The following PCNX1 variants were observed in gnomAD, a reference collection of about 807,000 sequenced individuals.
PCNX1 encodes pecanex 1.
PCNX1 carries 78 observed loss-of-function variants against 242.2 expected under a neutral mutation model. The observed-to-expected ratio is 0.32, with a 90% CI of 0.27 to 0.39. The LOEUF (loss-of-function observed/expected upper bound fraction) is 0.39, where lower values mean the gene tolerates loss of function less well. Ranked by LOEUF, PCNX1 falls within the 10% of genes least tolerant of loss-of-function variation. PCNX1 has a pLI of 1.00. For missense variants in PCNX1, 2,581 were observed against 2,856.5 expected (o/e 0.90, Z 2.20); for synonymous variants, 1,024 against 1,032.9 (o/e 0.99, Z 0.17).
intron 1 of PCNX1, among the ~76,000 whole-genome samples, chr14:70,922,498 A>C (rs192877706): frequency 6.6e-6 from 1 of 152,128 alleles, no homozygotes; most frequent in East Asian, 1.9e-4. Flanking sequence ...AAATGTTATA[A>C]ATAAAATAAA....
At chr14:71,075,402 G>C (rs2061692078) in intron 27 of PCNX1, among the ~76,000 whole-genome samples, 1 of 152,146 alleles carries the variant, frequency 6.6e-6, no homozygotes, top group African/African-American at 2.4e-5. Context: ...CAGGAAGCTA[G>C]AGATTGATTT....
rs180897147 is a variant in PCNX1, at chr14:70,977,912, G to A, written c.1575G>A (p.Val525=). 1 of 1,614,144 alleles carries A rather than the reference G, an allele frequency of 6.2e-7. No individual in the cohort carries two copies. The highest frequency in any genetic ancestry group is 2.2e-5 in the East Asian group (1 of 44,880). Residue 525 remains valine (V), a synonymous_variant, in exon 6 of 36, where the codon GTG becomes GTA. Coordinates refer to ENST00000304743, the MANE Select transcript of PCNX1 (RefSeq NM_014982.3). ...AGAGTGATAAGTCAGCTGTTTCTGT[G>A]GATTCCAAAGTGCGTAAAGATGTTG... ...EEKSDKSAVS[V]DSKVRKDVGG... is the part of the protein sequence containing the mutation.
chr14:70,921,842 T>C (rs375621382), intron 1 of PCNX1, among the ~76,000 whole-genome samples: 527 of 152,294 alleles, frequency 3.5e-3, no homozygotes, highest in African/African-American at 0.012. Context: ...TCTGACTCAA[T>C]TGACAGTATG....
chr14:71,060,887 C>T (rs2061310331), intron 26 of PCNX1: 1 of 152,188 alleles, frequency 6.6e-6, no homozygotes, highest in South Asian at 2.1e-4. Flanking sequence ...TTGAACACAA[C>T]TACAGTGTTG....
At chr14:71,022,158 CAAGT>C (rs1449625391) in intron 12 of PCNX1, among the ~76,000 whole-genome samples, 1 of 152,110 alleles carries the variant, frequency 6.6e-6, no homozygotes, top group East Asian at 1.9e-4. Context: ...TCACTAATAA[CAAGT>C]AACCCAGTCC....
intron 6 of PCNX1, among the ~76,000 whole-genome samples, chr14:70,985,513 C>T (rs991809708): frequency 6.6e-6 from 1 of 152,182 alleles, no homozygotes; most frequent in Non-Finnish European, 1.5e-5. Flanking sequence ...TGCGCCAGGC[C>T]TGAAGGTTCC....
At chr14:71,070,325 C>T (rs2061557135) in intron 26 of PCNX1, among the ~76,000 whole-genome samples, 1 of 152,170 alleles carries the variant, frequency 6.6e-6, no homozygotes, top group Non-Finnish European at 1.5e-5. Context: ...TTTTGACCTC[C>T]TCCCATGAAT....
intron 2 of PCNX1, among the ~76,000 whole-genome samples, chr14:70,948,669 CTATA>C (rs2057567347): frequency 7.3e-6 from 1 of 137,342 alleles, no homozygotes; most frequent in African/African-American, 2.6e-5. Context: ...ATACACGTGT[CTATA>C]TAGATGTGTA....
intron 26 of PCNX1, 87 bp downstream of exon 26, chr14:71,057,811 C>T: frequency 1.1e-6 from 1 of 905,092 alleles, no homozygotes; most frequent in Non-Finnish European, 1.7e-6. Flanking sequence ...CAGAAGTTGT[C>T]ATAGAATTAG....
chr14:71,009,880 C>A (rs1011100468), intron 9 of PCNX1, 156 bp downstream of exon 9: 2 of 454,832 alleles, frequency 4.4e-6, no homozygotes, highest in African/African-American at 2.0e-5. Flanking sequence ...TGGCATACAA[C>A]CTGATGTTTT....
At chr14:70,949,322 CGT>C (rs1241586105) in intron 2 of PCNX1, among the ~76,000 whole-genome samples, 4 of 134,644 alleles carry the variant, frequency 3.0e-5, no homozygotes, top group Non-Finnish European at 6.4e-5. Context: ...TAGATACACA[CGT>C]GTATACACGC....
At position 70,978,414 on chromosome 14, in the gene PCNX1, C is replaced by G; in HGVS notation, c.2077C>G (p.Leu693Val). Reference sequence around the variant, plus strand: ...CAAGACTCGTGCCCGAGTGTTGAGCCTGGACAGTGGCACAGTAGCATGTTT... The same window carrying G: ...CAAGACTCGTGCCCGAGTGTTGAGCGTGGACAGTGGCACAGTAGCATGTTT... ...SAKTRARVLSLDSGTVACLND... is the reference protein window; with the variant it reads ...SAKTRARVLSVDSGTVACLND... The change falls in exon 6 of 36, where the codon CTG (leucine) becomes GTG (valine). Residue 693 changes from leucine to valine, a missense_variant. Transcript: ENST00000304743. 3.1e-6 allele frequency: 5 copies of G among 1,614,186 alleles called. No individual in the cohort carries two copies. Among genetic ancestry groups the G allele is most frequent in the Non-Finnish European group, 4.2e-6 (5 of 1,180,028 alleles).
intron 3 of PCNX1, among the ~76,000 whole-genome samples, chr14:70,967,938 TG>T (rs1190672152): frequency 1.3e-5 from 2 of 152,098 alleles, no homozygotes; most frequent in Non-Finnish European, 2.9e-5. Flanking sequence ...GATCTGGCTC[TG>T]GGGGGGCTCC....
intron 11 of PCNX1, among the ~76,000 whole-genome samples, chr14:71,017,020 A>G (rs964453297): frequency 1.3e-5 from 2 of 152,228 alleles, no homozygotes; most frequent in Non-Finnish European, 2.9e-5. Flanking sequence ...AAAGACGTAG[A>G]TTACCAACAT....
intron 3 of PCNX1, among the ~76,000 whole-genome samples, chr14:70,963,309 A>G (rs1169124058): frequency 6.6e-6 from 1 of 152,154 alleles, no homozygotes; most frequent in East Asian, 1.9e-4. Flanking sequence ...GGCACTTTAC[A>G]AGGCTCTACA....
At chr14:71,105,168 A>G in intron 32 of PCNX1, 67 bp from the exon 33 acceptor site, 2 of 1,220,468 alleles carry the variant, frequency 1.6e-6, no homozygotes, top group Non-Finnish European at 2.4e-6. Flanking sequence ...ATAGCTGGAA[A>G]AAGAATAAAA....
At chr14:71,032,474 T>C (rs2140936181) in intron 16 of PCNX1, among the ~76,000 whole-genome samples, 1 of 152,292 alleles carries the variant, frequency 6.6e-6, no homozygotes, top group Middle Eastern at 3.4e-3. Flanking sequence ...TAAAAATTAT[T>C]TGGGAAATAC....
At chr14:70,973,941 A>G (rs2058615343) in intron 5 of PCNX1, among the ~76,000 whole-genome samples, 1 of 152,144 alleles carries the variant, frequency 6.6e-6, no homozygotes, top group African/African-American at 2.4e-5. Context: ...TCATTACTCC[A>G]GTAAGAAACC....
chr14:70,992,431 T>C, intron 7 of PCNX1, among the ~76,000 whole-genome samples: 1 of 152,288 alleles, frequency 6.6e-6, no homozygotes, highest in Non-Finnish European at 1.5e-5. Context: ...CCAACTATTT[T>C]TTTTGGTACT....
Sources: gnomAD v4.1 joint callset for allele counts (sites outside exome capture counted in the v4.1 genomes callset) on GRCh38, gnomAD v4.1.1 for gene constraint, MANE v1.5 for transcripts, NCBI Gene and HGNC (gene_info 2026-07-23, HGNC 2026-07-21) for gene names.